PIEZO1: variants seen among roughly 807,000 people sequenced by gnomAD.
PIEZO1 encodes the protein piezo type mechanosensitive ion channel component 1 (Er blood group), also known as piezo-type mechanosensitive ion channel component 1.
In PIEZO1, 296 loss-of-function variants were observed where a neutral mutation model predicts 297.2. That is an observed-to-expected ratio of 1.00 (90% CI 0.91 to 1.10). The LOEUF (loss-of-function observed/expected upper bound fraction) is 1.10. PIEZO1 is among the 50% of genes least tolerant of loss of function. The pLI, the probability that PIEZO1 is intolerant of heterozygous loss-of-function variation, is 0.00. For missense variants in PIEZO1, 5,018 were observed against 3,455.5 expected (o/e 1.45, Z -11.34); for synonymous variants, 2,427 against 1,507.5 (o/e 1.61, Z -14.13).
chr16:88,765,676 T>TTC (rs1247316962), intron 1 of PIEZO1, among the ~76,000 whole-genome samples: 2 of 150,862 alleles, frequency 1.3e-5, no homozygotes, highest in East Asian at 3.9e-4. Context: ...TAATTTTTTT[T>TTC]TTTTTTTTTT....
Position 88,734,379 on chromosome 16 carries a change from C to G in PIEZO1, c.2157G>C (p.Thr719=), listed in dbSNP as rs750187093. The G allele has an allele frequency of 6.5e-7, 1 of 1,543,470 alleles. No individual in the cohort carries two copies. The highest frequency in any genetic ancestry group is 2.0e-5 in the Admixed American group (1 of 50,496). Reference sequence around the variant, plus strand: ...ACCTGTGAGCCCAGCGCGGGAGGCGCGTGCCAGGCAGGGACACGTGCTCCA... The same window carrying G: ...ACCTGTGAGCCCAGCGCGGGAGGCGGGTGCCAGGCAGGGACACGTGCTCCA... ...TDMEHVSLPG[T]RLPRWAHRQD... Residue 719 remains threonine, a synonymous_variant, in exon 16 of 51, where the codon ACG becomes ACC. Coordinates refer to ENST00000301015, the MANE Select transcript of PIEZO1 (RefSeq NM_001142864.4).
At chr16:88,718,841 G>A (rs1177240442) in intron 44 of PIEZO1, 2 of 153,708 alleles carry the variant, frequency 1.3e-5, no homozygotes, top group Non-Finnish European at 2.9e-5. Flanking sequence ...CAGAGTAGCT[G>A]GGAGCACAAG....
At position 88,725,637 on chromosome 16, in the gene PIEZO1, T is replaced by A. The variant is rs1470628325; in HGVS notation, c.4016A>T (p.His1339Leu). Residue 1339 changes from histidine (H) to leucine (L), a missense_variant, in exon 28 of 51, where the codon CAC becomes CTC. Coordinates refer to ENST00000301015, the MANE Select transcript of PIEZO1 (RefSeq NM_001142864.4). ...NAANLKSIDF[H>L]RRIEEKSLAQ... ...CAGGGACTTCTCCTCTATCCTGCGG[T>A]GAAAGTCAATGCTCTTGAGGTTGGC... 1.9e-6 allele frequency: 3 copies of A among 1,549,472 alleles called. No homozygotes were observed. Among genetic ancestry groups the A allele is most frequent in the Non-Finnish European group, 2.6e-6 (3 of 1,146,142 alleles).
Position 88,726,648 on chromosome 16 carries a change from G to T in PIEZO1, c.3700-5C>A, listed in dbSNP as rs949481545. 1.7e-5 allele frequency: 27 copies of T among 1,547,568 alleles called. No individual in the cohort carries two copies. In the East Asian group the frequency reaches 5.6e-4, roughly 32 times the overall value. ...CACGAAGACGCAGGCCAGGAGCTGGGGGAGAGCAGGGTCAGCGGGGCCAGC... is the reference window on the plus strand; with the variant it reads ...CACGAAGACGCAGGCCAGGAGCTGGTGGAGAGCAGGGTCAGCGGGGCCAGC... On this transcript the variant is annotated splice_polypyrimidine_tract_variant and splice_region_variant and intron_variant, in intron 25 of 50. Transcript: ENST00000301015.
chr16:88,720,648 G>A lies in PIEZO1; in HGVS notation c.5769C>T (p.Ala1923=), dbSNP rs2340977. ...GGCAGAAGCCCTGCAGCCGCCGCCC[G>A]GCCGCCCTTACTCTTCCTCCAGAGC... ...PSRSGGRVRA[A]GRRLQGFCLS... is the part of the protein sequence containing the mutation. The change falls in exon 40 of 51, where the codon GCC becomes GCT. Residue 1923 remains alanine (A), a synonymous_variant. Transcript: ENST00000301015. 3,195 of 1,528,396 alleles carry A rather than the reference G, an allele frequency of 2.1e-3. 61 individuals are homozygous for A. The African/African-American group carries it at 0.036, about 17-fold the overall frequency. 94.7% of individuals were successfully genotyped at this position (1,528,396 alleles called of 1,614,324 possible).
intron 18 of PIEZO1, 34 bp downstream of exon 18, chr16:88,733,554 C>G (rs1422943953): frequency 1.3e-6 from 2 of 1,528,366 alleles, no homozygotes; most frequent in Non-Finnish European, 1.8e-6. Flanking sequence ...CGACCCCACC[C>G]CAGATGGGAA....
In PIEZO1 at chr16:88,726,183, C is replaced by G. The variant is rs149761884; in HGVS notation, c.3968+101G>C. 699 of 993,440 alleles carry G rather than the reference C, an allele frequency of 7.0e-4. 3 individuals carry two copies. The African/African-American group carries it at 0.01, about 15-fold the overall frequency. The allele number at this position is 993,440 out of a possible 1,614,324, so 61.5% of individuals were successfully genotyped here. ...CGCCCATGTCACAGAGTGGCAGAGC[C>G]TGCCCTCCACGGGCCGGGGCCTGAG... On this transcript the variant is annotated intron_variant, in intron 27 of 50. Transcript: ENST00000301015.
chr16:88,767,592 G>A (rs989545401), intron 1 of PIEZO1, among the ~76,000 whole-genome samples: 9 of 152,088 alleles, frequency 5.9e-5, no homozygotes, highest in Admixed American at 1.3e-4. Flanking sequence ...CATACACTTG[G>A]CCACTGAGCC....
intron 44 of PIEZO1, chr16:88,717,412 A>T: frequency 3.1e-6 from 2 of 646,542 alleles, no homozygotes; most frequent in Non-Finnish European, 5.6e-6. Context: ...GGGGTCGTTG[A>T]TCTTAGACAA....
rs770410360 is a variant in PIEZO1 at position 88,738,252 on chromosome 16, G to A, written c.823C>T (p.Leu275Phe). The change falls in exon 7 of 51, where the codon CTC becomes TTC. Residue 275 changes from leucine (L) to phenylalanine (F), a missense_variant. By Grantham distance (22) the Leu-to-Phe change is conservative. Coordinates refer to ENST00000301015, the MANE Select transcript of PIEZO1 (RefSeq NM_001142864.4). ...CTAGCCCAGATGCCGGCAGGCGGGA[G>A]CAGAGCCTGTGCCAAGGGCATCTGG... ...CYQMPLAQAL[L>F]PPAGIWARVL... The A allele has an allele frequency of 2.6e-6, 4 of 1,535,840 alleles. No individual in the cohort carries two copies. Among genetic ancestry groups the A allele is most frequent in the South Asian group, 1.2e-5 (1 of 84,062 alleles).
At chr16:88,779,856 T>G (rs1051322176) in intron 1 of PIEZO1, among the ~76,000 whole-genome samples, 65 of 152,316 alleles carry the variant, frequency 4.3e-4, no homozygotes, top group African/African-American at 1.5e-3. Flanking sequence ...AAAGCCTGTG[T>G]TGCGGGTCTC....
intron 1 of PIEZO1, among the ~76,000 whole-genome samples, chr16:88,768,485 C>T (rs948197782): frequency 6.6e-5 from 10 of 152,218 alleles, no homozygotes; most frequent in African/African-American, 2.4e-4. Flanking sequence ...GACACACTGC[C>T]CTCTCACCCA....
chr16:88,734,834 G>A (rs1448555300), intron 14 of PIEZO1, 36 bp from the exon 15 acceptor site: 1 of 1,550,072 alleles, frequency 6.5e-7, no homozygotes, highest in Non-Finnish European at 8.7e-7. Flanking sequence ...GGACCGCGGG[G>A]AGGGTCCGTG....
chr16:88,743,550 G>A (rs1416499003), intron 2 of PIEZO1: 1 of 456,546 alleles, frequency 2.2e-6, no homozygotes, highest in Non-Finnish European at 4.4e-6. Context: ...CCCTCTCTCG[G>A]CCTCGGGGCG....
chr16:88,749,583 G>A (rs1906278487), intron 1 of PIEZO1, 104 bp from the exon 2 acceptor site: 4 of 877,568 alleles, frequency 4.6e-6, no homozygotes, highest in East Asian at 6.0e-5. Context: ...CCGAGGCCGT[G>A]TGCCCTGTGA....
chr16:88,726,514 A>C lies in PIEZO1; in HGVS notation c.3796+33T>G, dbSNP rs1404178367. 2.6e-6 allele frequency: 4 copies of C among 1,546,284 alleles called. No individual in the cohort carries two copies. In the East Asian group the frequency reaches 9.8e-5, roughly 38 times the overall value. ...GGGCCCAGGAGCAGGGGGCTTCCCC[A>C]CGCCCTCCCCCGCCACCGTCCTGGC... On this transcript the variant is annotated intron_variant, in intron 26 of 50. Coordinates refer to ENST00000301015, the MANE Select transcript of PIEZO1 (RefSeq NM_001142864.4).
Position 88,715,366 on chromosome 16 carries a change from A to G in PIEZO1, c.*239T>C. On this transcript the variant is annotated 3_prime_UTR_variant, in exon 51 of 51. Transcript: ENST00000301015. The stretch of plus-strand genomic sequence containing the variant: ...GATTGTCCATTTGTATAAATAAAAC[A>G]TTTTTTAATTAAAAAAAAAACTCTA... 8.3e-7 allele frequency: 1 copy of G among 1,208,246 alleles called. No individual in the cohort carries two copies. The highest frequency in any genetic ancestry group is 1.5e-5 in the South Asian group (1 of 68,340). 74.8% of individuals were successfully genotyped at this position (1,208,246 alleles called of 1,614,324 possible).
rs746865902 is a variant in PIEZO1, at chr16:88,731,764, C to T, written c.3138G>A (p.Ala1046=). The part of the protein sequence containing the change: ...RLWPNYCLFL[A]LFLLYQYLLC... ...GCAGGTACTGGTACAGCAGGAACAG[C>T]GCCAGGAAGAGGCAGTAGTTGGGCC... The change falls in exon 22 of 51, where the codon GCG becomes GCA. Residue 1046 remains alanine, a synonymous_variant. Transcript: ENST00000301015. The T allele has an allele frequency of 6.0e-5, 93 of 1,549,594 alleles. No homozygotes were observed. In the East Asian group the frequency reaches 1.5e-3, roughly 26 times the overall value.
At chr16:88,736,865 G>A (rs1905256032) in intron 10 of PIEZO1, 126 bp from the exon 11 acceptor site, 1 of 590,344 alleles carries the variant, frequency 1.7e-6, no homozygotes, top group Non-Finnish European at 2.9e-6. Context: ...GTGGGCTATG[G>A]GCAGAACACG....
Sources: allele counts gnomAD v4.1 joint callset (sites outside exome capture counted in the v4.1 genomes callset), GRCh38; gene constraint gnomAD v4.1.1; transcripts MANE v1.5; gene names NCBI Gene and HGNC (gene_info 2026-07-23, HGNC 2026-07-21).